STXBP6: variants seen among roughly 807,000 people sequenced by gnomAD.
STXBP6 encodes syntaxin-binding protein 6.
STXBP6 carries 21 observed loss-of-function variants against 26.9 expected under a neutral mutation model. The observed-to-expected ratio is 0.78, with a 90% CI of 0.55 to 1.12. STXBP6 has a LOEUF of 1.12. STXBP6 is among the 50% of genes most tolerant of loss of function. The pLI, the probability that STXBP6 is intolerant of heterozygous loss-of-function variation, is 0.00. For missense variants in STXBP6, 232 were observed against 257.9 expected (o/e 0.90, Z 0.69); for synonymous variants, 97 against 92.6 (o/e 1.05, Z -0.27).
intron 1 of STXBP6, among the ~76,000 whole-genome samples, chr14:25,022,869 C>T (rs1036560446): frequency 1.3e-5 from 2 of 152,174 alleles, no homozygotes; most frequent in Non-Finnish European, 2.9e-5. Flanking sequence ...ATCTCCAATT[C>T]AATTTGTCCA....
chr14:24,944,469 G>A (rs2140009635), intron 2 of STXBP6, among the ~76,000 whole-genome samples: 1 of 152,296 alleles, frequency 6.6e-6, no homozygotes, highest in South Asian at 2.1e-4. Flanking sequence ...TAGGGGATAT[G>A]GGAGAGAGTT....
In STXBP6 at chr14:25,049,947, C is replaced by T; in HGVS notation, c.-102G>A. On this transcript the variant is annotated 5_prime_UTR_variant, in exon 1 of 6. Coordinates refer to ENST00000323944, the MANE Select transcript of STXBP6 (RefSeq NM_001394410.1). This position sits in a 1 kb window ranked among gnomAD's most constrained non-coding sequence, Gnocchi z 5.6. ...CGTCCCAGAGCACGAGGCTCCTCCCCGGGGGGCTGCCCCGCGCGGGGCTCC... is the reference window on the plus strand; with the variant it reads ...CGTCCCAGAGCACGAGGCTCCTCCCTGGGGGGCTGCCCCGCGCGGGGCTCC... 4.4e-6 allele frequency: 4 copies of T among 912,680 alleles called. No individual in the cohort carries two copies. The highest frequency in any genetic ancestry group is 1.8e-5 in the African/African-American group (1 of 55,650). The allele number at this position is 912,680 out of a possible 1,614,324, so 56.5% of individuals were successfully genotyped here.
intron 1 of STXBP6, among the ~76,000 whole-genome samples, chr14:25,005,429 G>C (rs2074867455): frequency 1.3e-5 from 2 of 152,166 alleles, no homozygotes; most frequent in African/African-American, 4.8e-5. Flanking sequence ...GAAATACTGT[G>C]ATGAACAACC....
In STXBP6 at chr14:24,926,892, C is replaced by G. The variant is rs994199140; in HGVS notation, c.154+47773G>C. On this transcript the variant is annotated intron_variant, in intron 2 of 5. Coordinates refer to ENST00000323944, the MANE Select transcript of STXBP6 (RefSeq NM_001394410.1). ...TATAATGCAACACTTAGAATTATACCTCGAGAAGAGTAGGTGAATGCTAAG... is the reference window on the plus strand; with the variant it reads ...TATAATGCAACACTTAGAATTATACGTCGAGAAGAGTAGGTGAATGCTAAG... 4.6e-5 allele frequency among the ~76,000 whole-genome samples: 7 copies of G among 151,858 alleles called. 2 individuals are homozygous for G. Among genetic ancestry groups the G allele is most frequent in the Admixed American group, 3.9e-4 (6 of 15,268 alleles).
At chr14:24,863,281 G>A (rs753001874) in intron 2 of STXBP6, among the ~76,000 whole-genome samples, 2 of 152,050 alleles carry the variant, frequency 1.3e-5, no homozygotes, top group Non-Finnish European at 2.9e-5. Flanking sequence ...ATCCATGAGG[G>A]AATGAATTTT....
intron 1 of STXBP6, among the ~76,000 whole-genome samples, chr14:25,030,754 A>C (rs1482910500): frequency 1.3e-5 from 2 of 152,130 alleles, no homozygotes; most frequent in East Asian, 3.9e-4. Flanking sequence ...ATGCTTTCTG[A>C]AATTGCTACG....
chr14:24,902,107 A>C (rs1242525645), intron 2 of STXBP6, among the ~76,000 whole-genome samples: 1 of 152,196 alleles, frequency 6.6e-6, no homozygotes, highest in African/African-American at 2.4e-5. Context: ...CAATTAAAAA[A>C]TTTTAAGAAA....
At chr14:24,911,035 A>T (rs1318976884) in intron 2 of STXBP6, among the ~76,000 whole-genome samples, 13 of 152,172 alleles carry the variant, frequency 8.5e-5, no homozygotes, top group Admixed American at 8.5e-4. Context: ...TTCATAATTA[A>T]GAAAACAGGC....
At chr14:24,847,881 G>A (rs2069018144) in intron 4 of STXBP6, among the ~76,000 whole-genome samples, 1 of 152,110 alleles carries the variant, frequency 6.6e-6, no homozygotes, top group African/African-American at 2.4e-5. Context: ...AGTAACATGT[G>A]CACTCTATAA....
chr14:24,859,120 A>G (rs12895258), intron 2 of STXBP6, among the ~76,000 whole-genome samples: 23,280 of 152,216 alleles, frequency 0.15, 2,082 homozygotes, highest in Non-Finnish European at 0.21. Context: ...GGTAAGTTCC[A>G]TTGAAAGTTT....
At chr14:24,965,295 G>C (rs1331959447) in intron 2 of STXBP6, among the ~76,000 whole-genome samples, 1 of 132,058 alleles carries the variant, frequency 7.6e-6, no homozygotes, top group Non-Finnish European at 1.6e-5. Context: ...CATGACATGG[G>C]TCACGGATGC....
intron 1 of STXBP6, among the ~76,000 whole-genome samples, chr14:25,023,672 A>T (rs1054464867): frequency 6.6e-6 from 1 of 152,084 alleles, no homozygotes; most frequent in Non-Finnish European, 1.5e-5. Context: ...TAAATAAGCC[A>T]GGTATGGTGG....
intron 1 of STXBP6, among the ~76,000 whole-genome samples, chr14:24,979,433 G>GA (rs751994956): frequency 2.0e-5 from 3 of 152,180 alleles, no homozygotes; most frequent in Non-Finnish European, 2.9e-5. Context: ...ACTCTGGGGG[G>GA]AAAATCAGCT....
At chr14:24,937,252 C>T (rs183840110) in intron 2 of STXBP6, among the ~76,000 whole-genome samples, 36 of 152,202 alleles carry the variant, frequency 2.4e-4, no homozygotes, top group African/African-American at 8.2e-4. Flanking sequence ...CAAACCTGCA[C>T]GTTCTGCACA....
At chr14:24,847,530 TA>T (rs930242948) in intron 4 of STXBP6, among the ~76,000 whole-genome samples, 1 of 152,162 alleles carries the variant, frequency 6.6e-6, no homozygotes, top group African/African-American at 2.4e-5. Context: ...CCCAAAATTT[TA>T]AAAAACTTTC....
At chr14:24,910,679 T>C (rs2071540192) in intron 2 of STXBP6, among the ~76,000 whole-genome samples, 2 of 152,204 alleles carry the variant, frequency 1.3e-5, no homozygotes, top group African/African-American at 4.8e-5. Flanking sequence ...GATAATTAGC[T>C]ACTAAGACCT....
intron 2 of STXBP6, among the ~76,000 whole-genome samples, chr14:24,901,347 C>T (rs1172780399): frequency 1.8e-5 from 2 of 112,564 alleles, no homozygotes; most frequent in Non-Finnish European, 4.5e-5. Context: ...TAGCATGGCT[C>T]CCCCCCAAAA....
intron 4 of STXBP6, among the ~76,000 whole-genome samples, chr14:24,825,833 T>C (rs1208617591): frequency 6.6e-6 from 1 of 152,252 alleles, no homozygotes; most frequent in Non-Finnish European, 1.5e-5. Context: ...AGGATATGCA[T>C]AAACACTCAT....
chr14:24,926,938 T>TAA (rs33991257), intron 2 of STXBP6, among the ~76,000 whole-genome samples: 36,216 of 150,508 alleles, frequency 0.24, 4,528 homozygotes, highest in African/African-American at 0.33. Flanking sequence ...TGCTGCTATT[T>TAA]AAAAAAAAAA....
Sources: gnomAD v4.1 joint callset for allele counts (sites outside exome capture counted in the v4.1 genomes callset) on GRCh38, gnomAD v4.1.1 for gene constraint, Gnocchi (gnomAD v3.1) non-coding constraint, MANE v1.5 for transcripts, NCBI Gene and HGNC (gene_info 2026-07-23, HGNC 2026-07-21) for gene names.